Variants in CACNB2 observed in about 807,000 individuals in gnomAD.
CACNB2 encodes the protein calcium voltage-gated channel auxiliary subunit beta 2.
In CACNB2, 42 loss-of-function variants were observed where a neutral mutation model predicts 73.3. The observed-to-expected ratio is 0.57, with a 90% confidence interval of 0.45 to 0.74. The LOEUF (loss-of-function observed/expected upper bound fraction) is 0.74. CACNB2 is among the 30% of genes least tolerant of loss of function. CACNB2 has a pLI of 0.00. For missense variants in CACNB2, 940 were observed against 853.0 expected, an observed-to-expected ratio of 1.10 and a Z score of -1.27; for synonymous variants, 348 against 310.3, an observed-to-expected ratio of 1.12 and a Z score of -1.28.
chr10:18,339,328 C>T (rs1310783419), intron 2 of CACNB2, among the ~76,000 whole-genome samples: 1 of 152,094 alleles, frequency 6.6e-6, no homozygotes, highest in Non-Finnish European at 1.5e-5. Context: ...CGAGACTAGC[C>T]TGGCCAATAT....
chr10:18,340,643 AT>A lies in CACNB2; in HGVS notation c.214-61279del, dbSNP rs2041193096. On this transcript the variant is annotated intron_variant, in intron 2 of 13. Coordinates refer to ENST00000324631, the MANE Select transcript of CACNB2 (RefSeq NM_201596.3). Reference sequence around the variant, plus strand: ...TCTGTCTTCCAAGCCAGCTGACGTAATTCAGAGGAGAATAAGACCCTCCCAC... The same window carrying A: ...TCTGTCTTCCAAGCCAGCTGACGTAATCAGAGGAGAATAAGACCCTCCCAC... The A allele has an allele frequency of 2.3e-6, 3 of 1,312,848 alleles. No individual in the cohort carries two copies. The Admixed American group carries it at 9.9e-5, about 43-fold the overall frequency. 81.3% of individuals were successfully genotyped at this position (1,312,848 alleles called of 1,614,324 possible).
chr10:18,352,755 G>T (rs2041761657), intron 2 of CACNB2, among the ~76,000 whole-genome samples: 1 of 152,194 alleles, frequency 6.6e-6, no homozygotes, highest in African/African-American at 2.4e-5. Flanking sequence ...TTTTAAGGGA[G>T]AATGCTTTAC....
chr10:18,495,688 A>G (rs930999856), intron 3 of CACNB2, among the ~76,000 whole-genome samples: 2 of 151,914 alleles, frequency 1.3e-5, no homozygotes, highest in African/African-American at 2.4e-5. Context: ...GTTGGGATTT[A>G]CAGGCATGAG....
chr10:18,442,731 A>G (rs2046475071), intron 3 of CACNB2, among the ~76,000 whole-genome samples: 1 of 150,884 alleles, frequency 6.6e-6, no homozygotes, highest in South Asian at 2.1e-4. Flanking sequence ...AGGCTGAGGC[A>G]GGAGAATTCC....
At chr10:18,502,009 TA>T (rs1159408871) in intron 5 of CACNB2, among the ~76,000 whole-genome samples, 2 of 152,092 alleles carry the variant, frequency 1.3e-5, no homozygotes, top group African/African-American at 4.8e-5. Flanking sequence ...GAGGCATGCA[TA>T]AAAAAGAACA....
intron 3 of CACNB2, among the ~76,000 whole-genome samples, chr10:18,491,801 T>C (rs2049443352): frequency 8.0e-6 from 1 of 125,256 alleles, no homozygotes; most frequent in African/African-American, 3.0e-5. Flanking sequence ...GGATATTCCC[T>C]TGGAACTTCA....
At chr10:18,505,145 A>G (rs932720238) in intron 5 of CACNB2, among the ~76,000 whole-genome samples, 2 of 151,792 alleles carry the variant, frequency 1.3e-5, no homozygotes, top group African/African-American at 4.8e-5. Context: ...CATTTGCAGC[A>G]TTTGTCACAA....
intron 3 of CACNB2, among the ~76,000 whole-genome samples, chr10:18,486,745 A>G (rs2049079531): frequency 1.3e-5 from 2 of 152,200 alleles, no homozygotes; most frequent in African/African-American, 4.8e-5. Context: ...GAGTCAGGGC[A>G]GAAGCATGGA....
At chr10:18,425,548 G>T (rs926397276) in intron 3 of CACNB2, among the ~76,000 whole-genome samples, 24 of 151,904 alleles carry the variant, frequency 1.6e-4, no homozygotes, top group African/African-American at 4.6e-4. Flanking sequence ...GACACCACTG[G>T]TCCCAGCTAC....
chr10:18,329,528 A>C (rs932858856), intron 2 of CACNB2, among the ~76,000 whole-genome samples: 3 of 149,940 alleles, frequency 2.0e-5, no homozygotes, highest in Non-Finnish European at 3.0e-5. Flanking sequence ...AAAAAGCAGG[A>C]TAAGAAGAAA....
At chr10:18,260,435 T>C in intron 2 of CACNB2, 1 of 985,322 alleles carries the variant, frequency 1.0e-6, no homozygotes, top group Non-Finnish European at 1.2e-6. Context: ...ACCCAGAAAA[T>C]GAACATTTGC....
At chr10:18,285,702 TA>T (rs1170164494) in intron 2 of CACNB2, among the ~76,000 whole-genome samples, 6 of 152,250 alleles carry the variant, frequency 3.9e-5, no homozygotes, top group Non-Finnish European at 8.8e-5. Flanking sequence ...ATTTATGTCT[TA>T]AATATCAGCA....
At chr10:18,167,523 A>G (rs2032937620) in intron 2 of CACNB2, among the ~76,000 whole-genome samples, 3 of 152,160 alleles carry the variant, frequency 2.0e-5, no homozygotes, top group Non-Finnish European at 4.4e-5. Flanking sequence ...GTGAGGGGAA[A>G]ATGTTCACCA....
At chr10:18,527,165 G>C (rs527269510) in intron 9 of CACNB2, among the ~76,000 whole-genome samples, 2 of 152,178 alleles carry the variant, frequency 1.3e-5, no homozygotes, top group African/African-American at 4.8e-5. Flanking sequence ...CGGATCACTT[G>C]AGGCCAGGAA....
At chr10:18,276,466 T>C (rs1348274126) in intron 2 of CACNB2, among the ~76,000 whole-genome samples, 3 of 152,184 alleles carry the variant, frequency 2.0e-5, no homozygotes, top group African/African-American at 4.8e-5. Flanking sequence ...ACAGTATCAC[T>C]TAGCAGTGGA....
intron 2 of CACNB2, among the ~76,000 whole-genome samples, chr10:18,182,697 C>T (rs1374647655): frequency 3.3e-5 from 5 of 151,636 alleles, no homozygotes; most frequent in Non-Finnish European, 5.9e-5. Flanking sequence ...TGGCGTGCAC[C>T]TGTAATCCCT....
chr10:18,302,455 A>G (rs933850876), intron 2 of CACNB2, among the ~76,000 whole-genome samples: 2 of 152,248 alleles, frequency 1.3e-5, no homozygotes, highest in African/African-American at 4.8e-5. Context: ...CCAAATGCCC[A>G]TCAATAAACG....
At chr10:18,515,938 C>A (rs988188503) in intron 7 of CACNB2, among the ~76,000 whole-genome samples, 7 of 152,256 alleles carry the variant, frequency 4.6e-5, no homozygotes, top group Non-Finnish European at 1.0e-4. Flanking sequence ...GCAGGCAGGG[C>A]GCAATGGCTC....
At chr10:18,498,985 G>A (rs2050008765) in intron 4 of CACNB2, among the ~76,000 whole-genome samples, 1 of 152,138 alleles carries the variant, frequency 6.6e-6, no homozygotes, top group Admixed American at 6.5e-5. Flanking sequence ...GCAACAAAGA[G>A]GTATCAGGAA....
Sources: gnomAD v4.1 joint callset for allele counts (sites outside exome capture counted in the v4.1 genomes callset) on GRCh38, gnomAD v4.1.1 for gene constraint, MANE v1.5 for transcripts, NCBI Gene and HGNC (gene_info 2026-07-23, HGNC 2026-07-21) for gene names.